Variants in AFG3L2 observed in about 807,000 individuals in gnomAD.
AFG3L2 encodes mitochondrial inner membrane m-AAA protease component AFG3L2.
AFG3L2 carries 54 observed loss-of-function variants against 94.5 expected under a neutral mutation model. The ratio of observed to expected loss-of-function variants is 0.57; its 90% CI spans 0.46 to 0.72. The LOEUF is 0.72. Ranked by LOEUF, AFG3L2 falls within the 30% of genes least tolerant of loss-of-function variation. The probability of loss-of-function intolerance (pLI) is 0.00; values close to 1 mark genes in which losing one functional copy is unlikely to be tolerated. For synonymous variants in AFG3L2, 377 were observed against 365.5 expected (o/e 1.03, Z -0.36); for missense variants, 754 against 994.9 (o/e 0.76, Z 3.26).
intron 1 of AFG3L2, among the ~76,000 whole-genome samples, chr18:12,374,847 G>A (rs1269255444): frequency 1.3e-5 from 2 of 152,114 alleles, no homozygotes; most frequent in African/African-American, 4.8e-5. Context: ...CTTGAGGCCA[G>A]GAGTTTGAGA....
At chr18:12,366,208 A>T (rs932238574) in intron 5 of AFG3L2, among the ~76,000 whole-genome samples, 2 of 152,136 alleles carry the variant, frequency 1.3e-5, no homozygotes, top group African/African-American at 4.8e-5. Flanking sequence ...CATTTTTCAT[A>T]TTTTAACATC....
At chr18:12,356,237 T>C (rs377288426) in intron 9 of AFG3L2, among the ~76,000 whole-genome samples, 2 of 152,032 alleles carry the variant, frequency 1.3e-5, no homozygotes, top group African/African-American at 4.8e-5. Flanking sequence ...CTGCAACTTC[T>C]GCCGCCTGGG....
Position 12,340,267 on chromosome 18 carries a change from G to C in AFG3L2, c.1914C>G (p.Phe638Leu). Residue 638 changes from phenylalanine (F) to leucine (L), a missense_variant, in exon 15 of 17, where the codon TTC becomes TTG. Transcript: ENST00000269143. ...GAGCACCAGTTGTAATTCTTCCAAA[G>C]AAGATTTCTTCAGAGACTCGACCAC... is the stretch of plus-strand genomic sequence containing the variant. Reference protein sequence around the residue: ...TLGGRVSEEIFFGRITTGAQD... With the variant: ...TLGGRVSEEILFGRITTGAQD... 6.2e-7 allele frequency: 1 copy of C among 1,614,124 alleles called. No individual in the cohort carries two copies. Among genetic ancestry groups the C allele is most frequent in the Non-Finnish European group, 8.5e-7 (1 of 1,180,024 alleles).
intron 16 of AFG3L2, among the ~76,000 whole-genome samples, chr18:12,331,797 G>GTAAATAAATAAA (rs1315384530): frequency 5.7e-5 from 5 of 88,466 alleles, no homozygotes; most frequent in African/African-American, 2.0e-4. Flanking sequence ...CTGTCTAAAA[G>GTAAATAAATAAA]TAAATAAATA....
intron 1 of AFG3L2, among the ~76,000 whole-genome samples, chr18:12,372,132 C>T (rs759156192): frequency 6.6e-6 from 1 of 151,924 alleles, no homozygotes; most frequent in Non-Finnish European, 1.5e-5. Flanking sequence ...GGTGAAACCC[C>T]GTCTCTACTA....
intron 16 of AFG3L2, among the ~76,000 whole-genome samples, chr18:12,333,861 G>T (rs1907663189): frequency 2.0e-5 from 3 of 152,204 alleles, no homozygotes. Flanking sequence ...GGAACGACCA[G>T]GGCTCTGCAG....
intron 6 of AFG3L2, among the ~76,000 whole-genome samples, chr18:12,360,536 G>C (rs552805434): frequency 6.6e-6 from 1 of 152,106 alleles, no homozygotes; most frequent in African/African-American, 2.4e-5. Context: ...TAAGAAGCAG[G>C]TGCCATCACT....
In AFG3L2 at chr18:12,354,137, C is replaced by A. The variant is rs866281844; in HGVS notation, c.1165-979G>T. On this transcript the variant is annotated intron_variant, in intron 9 of 16. Transcript: ENST00000269143. ...CTCTCCACCTGCCCACTCCCACCCC[C>A]CCCCCCCCACTTCACTGGACAGAAG... is the stretch of plus-strand genomic sequence containing the variant. 2.3e-4 allele frequency among the ~76,000 whole-genome samples: 31 copies of A among 132,206 alleles called. 2 individuals carry two copies. Among genetic ancestry groups the A allele is most frequent in the Non-Finnish European group, 3.5e-4 (22 of 63,386 alleles). 86.7% of individuals were successfully genotyped at this position (132,206 alleles called of 152,430 possible). A position where few individuals can be genotyped will look rare whatever the true frequency, so the allele number is the denominator to read the frequency against.
chr18:12,363,722 G>C, intron 6 of AFG3L2, 60 bp downstream of exon 6: 1 of 1,404,440 alleles, frequency 7.1e-7, no homozygotes, highest in Middle Eastern at 2.4e-4. Context: ...TTTCCTTTCA[G>C]CTTTAAATCT....
At chr18:12,355,860 G>T (rs1252752536) in intron 9 of AFG3L2, among the ~76,000 whole-genome samples, 1 of 151,916 alleles carries the variant, frequency 6.6e-6, no homozygotes, top group African/African-American at 2.4e-5. Flanking sequence ...TTTTAGTAGA[G>T]ATGGTGTTTC....
intron 16 of AFG3L2, among the ~76,000 whole-genome samples, chr18:12,331,847 AT>A (rs1907541694): frequency 5.6e-5 from 1 of 17,928 alleles, no homozygotes; most frequent in African/African-American, 9.9e-5. Context: ...ATATATATAT[AT>A]ATATATATAT....
intron 15 of AFG3L2, among the ~76,000 whole-genome samples, chr18:12,339,150 AGAATGGCGTGAACCTGGCAGGCG>A (rs1174358783): frequency 1.4e-5 from 2 of 140,212 alleles, no homozygotes; most frequent in African/African-American, 5.3e-5. Context: ...CTGAGGCAGG[AGAATGGCGTGAACCTGGCAGGCG>A]GAGCTTGCAG....
chr18:12,372,780 C>T (rs893829862), intron 1 of AFG3L2, among the ~76,000 whole-genome samples: 1 of 152,206 alleles, frequency 6.6e-6, no homozygotes, highest in Non-Finnish European at 1.5e-5. Flanking sequence ...AAGGCAGACA[C>T]AAAAGGTCAC....
At chr18:12,363,558 AT>A (rs1447370975) in intron 6 of AFG3L2, among the ~76,000 whole-genome samples, 3 of 152,192 alleles carry the variant, frequency 2.0e-5, no homozygotes, top group Non-Finnish European at 2.9e-5. Context: ...AGTCAAAATG[AT>A]TATCAGAAAC....
At chr18:12,373,106 C>A (rs898009848) in intron 1 of AFG3L2, among the ~76,000 whole-genome samples, 2 of 152,120 alleles carry the variant, frequency 1.3e-5, no homozygotes, top group African/African-American at 2.4e-5. Flanking sequence ...ATACAGAATT[C>A]CACACAGCAA....
intron 12 of AFG3L2, among the ~76,000 whole-genome samples, chr18:12,350,236 C>A (rs79075671): frequency 6.6e-6 from 1 of 151,930 alleles, no homozygotes; most frequent in South Asian, 2.1e-4. Context: ...GTCTCGAACT[C>A]CTGACCTCAG....
At chr18:12,375,500 C>T (rs1478853607) in intron 1 of AFG3L2, among the ~76,000 whole-genome samples, 1 of 151,712 alleles carries the variant, frequency 6.6e-6, no homozygotes, top group Non-Finnish European at 1.5e-5. Context: ...GCGGGAGGAT[C>T]GCCTGGGTCC....
chr18:12,332,964 T>TATATAATATATATTATATATAAC (rs1907596233), intron 16 of AFG3L2, among the ~76,000 whole-genome samples: 4 of 13,512 alleles, frequency 3.0e-4, no homozygotes, highest in African/African-American at 3.8e-4. Flanking sequence ...TATACTATAA[T>TATATAATATATATTATATATAAC]ATATTATATA....
At chr18:12,354,894 G>A (rs2143178371) in intron 9 of AFG3L2, among the ~76,000 whole-genome samples, 1 of 151,076 alleles carries the variant, frequency 6.6e-6, no homozygotes, top group South Asian at 2.1e-4. Flanking sequence ...TGACTTATCT[G>A]CACAACAACA....
Sources: gnomAD v4.1 joint callset for allele counts (sites outside exome capture counted in the v4.1 genomes callset) on GRCh38, gnomAD v4.1.1 for gene constraint, MANE v1.5 for transcripts, NCBI Gene and HGNC (gene_info 2026-07-23, HGNC 2026-07-21) for gene names.